The following PEAK1 variants were observed in gnomAD, a reference collection of about 807,000 sequenced individuals.
PEAK1 encodes the protein inactive tyrosine-protein kinase PEAK1.
In PEAK1, 54 loss-of-function variants were observed where a neutral mutation model predicts 124.7. That is an observed-to-expected ratio of 0.43 (90% CI 0.35 to 0.54). The LOEUF is 0.54. Ranked by LOEUF, PEAK1 falls within the 20% of genes least tolerant of loss-of-function variation. The pLI is 0.01. For missense variants in PEAK1, 2,046 were observed against 2,134.5 expected (o/e 0.96, Z 0.82); for synonymous variants, 719 against 760.0 (o/e 0.95, Z 0.89).
chr15:77,154,709 TG>T (rs1287939777), intron 8 of PEAK1, among the ~76,000 whole-genome samples: 2 of 152,028 alleles, frequency 1.3e-5, no homozygotes, highest in Non-Finnish European at 2.9e-5. Context: ...AGCATTTGCT[TG>T]TCTGTAAAGT....
chr15:77,378,563 A>G (rs1433826346), intron 1 of PEAK1, among the ~76,000 whole-genome samples: 2 of 152,120 alleles, frequency 1.3e-5, no homozygotes, highest in Non-Finnish European at 2.9e-5. Flanking sequence ...TGACATACTA[A>G]CACACTCTTT....
intron 8 of PEAK1, among the ~76,000 whole-genome samples, chr15:77,141,574 CAA>C (rs1036480776): frequency 8.5e-5 from 13 of 152,104 alleles, no homozygotes; most frequent in East Asian, 3.8e-4. Flanking sequence ...CTAGAGTGGT[CAA>C]AGTCTTTAAA....
chr15:77,361,968 A>G (rs955273954), intron 2 of PEAK1, among the ~76,000 whole-genome samples: 4 of 152,216 alleles, frequency 2.6e-5, no homozygotes, highest in African/African-American at 7.2e-5. Context: ...GCTAAGTAAA[A>G]TAAGCCAGAA....
At chr15:77,332,264 A>G in intron 2 of PEAK1, 9 of 985,066 alleles carry the variant, frequency 9.1e-6, no homozygotes, top group Non-Finnish European at 1.1e-5. Flanking sequence ...TCCCCCTGAA[A>G]CTAAACAGGA....
At chr15:77,401,693 G>C in intron 1 of PEAK1, 1 of 984,714 alleles carries the variant, frequency 1.0e-6, no homozygotes, top group Non-Finnish European at 1.2e-6. Flanking sequence ...TTAACACAGA[G>C]CATAATGTCA....
chr15:77,229,601 T>G (rs1253960739), intron 6 of PEAK1, among the ~76,000 whole-genome samples: 1 of 152,146 alleles, frequency 6.6e-6, no homozygotes, highest in Non-Finnish European at 1.5e-5. Flanking sequence ...TTCCTGACCA[T>G]TTTTGTTACA....
chr15:77,371,540 T>C (rs868271465), intron 1 of PEAK1: 6 of 771,588 alleles, frequency 7.8e-6, no homozygotes, highest in African/African-American at 3.8e-5. Flanking sequence ...ACCACCACCA[T>C]CATCATCATG....
intron 8 of PEAK1, among the ~76,000 whole-genome samples, chr15:77,152,527 T>G (rs2054738390): frequency 6.6e-6 from 1 of 152,172 alleles, no homozygotes; most frequent in Non-Finnish European, 1.5e-5. Flanking sequence ...AACACTATGT[T>G]GAATAGGAGC....
At chr15:77,123,024 T>C (rs1040696063) in intron 9 of PEAK1, among the ~76,000 whole-genome samples, 14 of 152,254 alleles carry the variant, frequency 9.2e-5, no homozygotes, top group African/African-American at 3.4e-4. Flanking sequence ...AGTTCACCTC[T>C]ACATTATTAC....
chr15:77,274,075 G>A (rs939094050), intron 5 of PEAK1, among the ~76,000 whole-genome samples: 2 of 152,144 alleles, frequency 1.3e-5, no homozygotes, highest in African/African-American at 4.8e-5. Flanking sequence ...CAAGCCACAT[G>A]TAGAAGAATG....
intron 1 of PEAK1, among the ~76,000 whole-genome samples, chr15:77,383,488 C>A (rs1268283844): frequency 2.0e-5 from 3 of 152,284 alleles, no homozygotes; most frequent in African/African-American, 7.2e-5. Flanking sequence ...AATGTGATAA[C>A]CCTACTTGTC....
At chr15:77,320,567 G>GT (rs2065139490) in intron 2 of PEAK1, among the ~76,000 whole-genome samples, 1 of 152,084 alleles carries the variant, frequency 6.6e-6, no homozygotes, top group South Asian at 2.1e-4. Context: ...ATTGTTTTTC[G>GT]TATCTGGGAG....
chr15:77,164,986 C>T (rs899253758), intron 7 of PEAK1, among the ~76,000 whole-genome samples: 2 of 152,046 alleles, frequency 1.3e-5, no homozygotes, highest in Non-Finnish European at 2.9e-5. Flanking sequence ...TCACTGCAAC[C>T]TCTGCTTCCC....
intron 8 of PEAK1, among the ~76,000 whole-genome samples, chr15:77,150,486 T>C (rs2054516483): frequency 1.3e-5 from 2 of 152,102 alleles, no homozygotes. Flanking sequence ...TAACTGAGAA[T>C]ACAATGAAAT....
At position 77,181,344 on chromosome 15, in the gene PEAK1, T is replaced by C. The variant is rs2057259033; in HGVS notation, c.583A>G (p.Ser195Gly). 1 of 1,614,070 alleles carries C rather than the reference T, an allele frequency of 6.2e-7. No individual in the cohort carries two copies. The highest frequency in any genetic ancestry group is 8.5e-7 in the Non-Finnish European group (1 of 1,180,034). ...KRSLERKLPPSCMIGGIKETQ... is the reference protein window; with the variant it reads ...KRSLERKLPPGCMIGGIKETQ... ...TCCTTTATCCCACCTATCATGCAACTTGGTGGAAGCTTTCTTTCCAATGAT... is the reference window on the plus strand; with the variant it reads ...TCCTTTATCCCACCTATCATGCAACCTGGTGGAAGCTTTCTTTCCAATGAT... Residue 195 changes from serine (S) to glycine (G), a missense_variant, in exon 7 of 10, where the codon AGT (serine) becomes GGT (glycine). Coordinates refer to ENST00000682557, the MANE Select transcript of PEAK1 (RefSeq NM_001385026.1).
In PEAK1 at chr15:77,179,367, A is replaced by G. The variant is rs753508683; in HGVS notation, c.2560T>C (p.Ser854Pro). Residue 854 changes from serine to proline, a missense_variant, in exon 7 of 10, where the codon TCT becomes CCT. Transcript: ENST00000682557. ...GGGCTAGTCACTAATTTGGAGGGAG[A>G]GGGGGTGACTGGCTTTATGGATGGG... is the stretch of plus-strand genomic sequence containing the variant. Reference protein sequence around the residue: ...KDPSIKPVTPSPSKLVTSPQS... With the variant: ...KDPSIKPVTPPPSKLVTSPQS... The G allele has an allele frequency of 1.2e-6, 2 of 1,613,548 alleles. No homozygotes were observed. Among genetic ancestry groups the G allele is most frequent in the South Asian group, 1.1e-5 (1 of 91,044 alleles).
chr15:77,408,759 A>T (rs905533071), intron 1 of PEAK1, among the ~76,000 whole-genome samples: 2 of 152,174 alleles, frequency 1.3e-5, no homozygotes, highest in African/African-American at 4.8e-5. Context: ...GAAATATTCA[A>T]CTAATTATTC....
chr15:77,399,521 C>T (rs2071177467), intron 1 of PEAK1, among the ~76,000 whole-genome samples: 1 of 152,142 alleles, frequency 6.6e-6, no homozygotes. Flanking sequence ...ATGCATACAT[C>T]TACAGTGAAC....
In PEAK1 at chr15:77,181,045, G is replaced by T; in HGVS notation, c.882C>A (p.Ile294=). 1 of 1,614,158 alleles carries T rather than the reference G, an allele frequency of 6.2e-7. No homozygotes were observed. Among genetic ancestry groups the T allele is most frequent in the Non-Finnish European group, 8.5e-7 (1 of 1,180,006 alleles). ...RFFVDKKWNT[I]PLRNKSLQRI... ...TCTGCAGAGACTTGTTTCGCAGGGG[G>T]ATGGTATTCCATTTTTTGTCCACAA... The change falls in exon 7 of 10, where the codon ATC becomes ATA. Residue 294 remains isoleucine (I), a synonymous_variant. Transcript: ENST00000682557.
Sources: allele counts gnomAD v4.1 joint callset (sites outside exome capture counted in the v4.1 genomes callset), GRCh38; gene constraint gnomAD v4.1.1; transcripts MANE v1.5; gene names NCBI Gene and HGNC (gene_info 2026-07-23, HGNC 2026-07-21).